The following PPP2R2C variants were observed in gnomAD, a reference collection of about 807,000 sequenced individuals.
PPP2R2C encodes protein phosphatase 2, regulatory subunit B, gamma.
PPP2R2C carries 10 observed loss-of-function variants against 45.3 expected under a neutral mutation model. The ratio of observed to expected loss-of-function variants is 0.22; its 90% CI spans 0.14 to 0.37. The LOEUF is 0.37. Among genes scored for constraint, PPP2R2C ranks in the 10% least tolerant of loss-of-function variants. PPP2R2C has a pLI of 1.00. For missense variants in PPP2R2C, 308 were observed against 619.7 expected, an observed-to-expected ratio of 0.50 and a Z score of 5.34; for synonymous variants, 257 against 245.4, an observed-to-expected ratio of 1.05 and a Z score of -0.44.
chr4:6,411,071 A>T (rs1405582850), intron 1 of PPP2R2C, among the ~76,000 whole-genome samples: 1 of 151,782 alleles, frequency 6.6e-6, no homozygotes, highest in Admixed American at 6.6e-5. Flanking sequence ...GAGTTTCACC[A>T]TGTTGCCCAG....
intron 1 of PPP2R2C, among the ~76,000 whole-genome samples, chr4:6,385,274 T>C (rs1716135323): frequency 6.6e-6 from 1 of 152,160 alleles, no homozygotes; most frequent in South Asian, 2.1e-4. Context: ...GAGCACTGCT[T>C]CCTCTGGCCC....
intron 7 of PPP2R2C, among the ~76,000 whole-genome samples, 172 bp downstream of exon 7, chr4:6,333,390 C>T (rs62285861): frequency 0.025 from 3,826 of 152,360 alleles, 74 homozygotes; most frequent in Middle Eastern, 0.037. Flanking sequence ...AGCACTCCTG[C>T]CCTCTGCCAA....
chr4:6,326,624 A>G (rs1312946841), intron 8 of PPP2R2C, among the ~76,000 whole-genome samples: 1 of 152,300 alleles, frequency 6.6e-6, no homozygotes, highest in East Asian at 1.9e-4. Context: ...GGCATCACAC[A>G]TGGTCTCATC....
At position 6,330,620 on chromosome 4, in the gene PPP2R2C, G is replaced by A. The variant is rs1331724736; in HGVS notation, c.961-1267C>T. ...TCTCCCCTGGGTCACCAGCCTGCCC[G>A]CCTGCTCTGCAGATTTAGAACATGC... On this transcript the variant is annotated intron_variant, in intron 7 of 8. Coordinates refer to ENST00000382599, the MANE Select transcript of PPP2R2C (RefSeq NM_020416.4). This position sits in a 1 kb window ranked among gnomAD's most constrained non-coding sequence, Gnocchi z 7.0. Among the ~76,000 whole-genome samples the A allele has an allele frequency of 1.3e-5, 2 of 152,104 alleles. No homozygotes were observed. Among genetic ancestry groups the A allele is most frequent in the Non-Finnish European group, 2.9e-5 (2 of 68,014 alleles).
At chr4:6,396,866 C>T (rs951249946) in intron 1 of PPP2R2C, among the ~76,000 whole-genome samples, 18 of 152,166 alleles carry the variant, frequency 1.2e-4, no homozygotes, top group African/African-American at 4.3e-4. Flanking sequence ...CCATGCTACC[C>T]ACAGTTTAAC....
intron 6 of PPP2R2C, among the ~76,000 whole-genome samples, chr4:6,340,985 T>C (rs1271838061): frequency 6.6e-6 from 1 of 152,240 alleles, no homozygotes; most frequent in East Asian, 1.9e-4. Flanking sequence ...GAGGCTGGTC[T>C]TTCTGCAGCA....
chr4:6,361,422 A>T (rs554620709), intron 5 of PPP2R2C, among the ~76,000 whole-genome samples: 2 of 152,320 alleles, frequency 1.3e-5, no homozygotes, highest in African/African-American at 4.8e-5. Flanking sequence ...GTCCAGCCCC[A>T]CTGCCTAACA....
chr4:6,409,913 GA>G (rs1718048383), intron 1 of PPP2R2C, among the ~76,000 whole-genome samples: 1 of 152,192 alleles, frequency 6.6e-6, no homozygotes, highest in South Asian at 2.1e-4. Context: ...TCTGGTGGAT[GA>G]AAGTTCCATT....
chr4:6,334,921 G>A (rs1732725313), intron 6 of PPP2R2C, among the ~76,000 whole-genome samples: 1 of 152,158 alleles, frequency 6.6e-6, no homozygotes, highest in African/African-American at 2.4e-5. Context: ...TCCCAGGTCT[G>A]TCCCAGCCCC....
intron 2 of PPP2R2C, among the ~76,000 whole-genome samples, chr4:6,533,972 C>T (rs1436299281): frequency 2.0e-5 from 3 of 149,662 alleles, no homozygotes; most frequent in African/African-American, 7.6e-5. Flanking sequence ...CACACACACC[C>T]CAATACACAT....
At chr4:6,486,215 A>T (rs994975700) in intron 2 of PPP2R2C, among the ~76,000 whole-genome samples, 2 of 152,000 alleles carry the variant, frequency 1.3e-5, no homozygotes, top group African/African-American at 4.8e-5. Context: ...ACTGATTTCT[A>T]ATTTAATTCT....
At chr4:6,409,300 T>C (rs112957384) in intron 1 of PPP2R2C, among the ~76,000 whole-genome samples, 5,182 of 152,130 alleles carry the variant, frequency 0.034, 287 homozygotes, top group African/African-American at 0.11. Flanking sequence ...AAGACAAGAA[T>C]GAAACAAGCA....
At chr4:6,403,864 GAAAAA>G (rs11286848) in intron 1 of PPP2R2C, among the ~76,000 whole-genome samples, 2 of 135,906 alleles carry the variant, frequency 1.5e-5, no homozygotes, top group Non-Finnish European at 3.2e-5. Flanking sequence ...CTCCGCCTCA[GAAAAA>G]AAAAAAAAAA....
intron 1 of PPP2R2C, among the ~76,000 whole-genome samples, chr4:6,398,274 C>A (rs112102143): frequency 0.011 from 1,621 of 152,030 alleles, 31 homozygotes; most frequent in African/African-American, 0.037. Flanking sequence ...AAAGCTTAAA[C>A]CTTTGCTATG....
intron 1 of PPP2R2C, among the ~76,000 whole-genome samples, chr4:6,443,072 T>C (rs1720231131): frequency 6.6e-6 from 1 of 152,156 alleles, no homozygotes; most frequent in African/African-American, 2.4e-5. Context: ...GAAGCCCTGT[T>C]TTCCACCCCA....
intron 6 of PPP2R2C, among the ~76,000 whole-genome samples, chr4:6,336,697 A>ATCCCTCCCTCCC (rs1560453462): frequency 1.2e-4 from 1 of 8,588 alleles, no homozygotes; most frequent in Non-Finnish European, 1.8e-4. Context: ...CCCTGCTTCC[A>ATCCCTCCCTCCC]TCCCTCCCTC....
chr4:6,376,628 T>C (rs1480462577), intron 3 of PPP2R2C, among the ~76,000 whole-genome samples: 2 of 152,060 alleles, frequency 1.3e-5, no homozygotes, highest in African/African-American at 4.8e-5. Flanking sequence ...TAATATTTTA[T>C]TTTTTTGTAG....
chr4:6,456,983 A>G (rs1167608287), intron 1 of PPP2R2C, among the ~76,000 whole-genome samples: 1 of 152,146 alleles, frequency 6.6e-6, no homozygotes, highest in African/African-American at 2.4e-5. Flanking sequence ...TAAGGCGGGC[A>G]GATCACCTGA....
chr4:6,431,654 C>T (rs1203206564), intron 1 of PPP2R2C, among the ~76,000 whole-genome samples: 1 of 152,200 alleles, frequency 6.6e-6, no homozygotes, highest in Non-Finnish European at 1.5e-5. Context: ...CCCCTGGGTA[C>T]ACTTCCTTGA....
Sources: gnomAD v4.1 joint callset for allele counts (sites outside exome capture counted in the v4.1 genomes callset) on GRCh38, gnomAD v4.1.1 for gene constraint, Gnocchi (gnomAD v3.1) non-coding constraint, MANE v1.5 for transcripts, NCBI Gene and HGNC (gene_info 2026-07-23, HGNC 2026-07-21) for gene names.